Variants in RNF8 observed in about 807,000 individuals in gnomAD.
The protein encoded by RNF8 is E3 ubiquitin-protein ligase RNF8.
In RNF8, 8 loss-of-function variants were observed where a neutral mutation model predicts 59.3. The observed-to-expected ratio is 0.13, with a 90% CI of 0.08 to 0.24. RNF8 has a LOEUF of 0.24. Ranked by LOEUF, RNF8 falls within the 10% of genes least tolerant of loss-of-function variation. The pLI, the probability that RNF8 is intolerant of heterozygous loss-of-function variation, is 1.00. For missense variants in RNF8, 406 were observed against 572.6 expected, an observed-to-expected ratio of 0.71 and a Z score of 2.97; for synonymous variants, 162 against 200.0, an observed-to-expected ratio of 0.81 and a Z score of 1.60.
At chr6:37,376,385 TGC>T (rs1282429924) in intron 5 of RNF8, among the ~76,000 whole-genome samples, 1 of 152,206 alleles carries the variant, frequency 6.6e-6, no homozygotes, top group Non-Finnish European at 1.5e-5. Flanking sequence ...ACCCATAAAC[TGC>T]GTAGCTTAAA....
At chr6:37,390,581 G>A (rs145019768) in intron 7 of RNF8, among the ~76,000 whole-genome samples, 161 bp from the exon 8 acceptor site, 1 of 152,180 alleles carries the variant, frequency 6.6e-6, no homozygotes, top group Admixed American at 6.5e-5. Context: ...GGAATGAGGA[G>A]TGGGCTTTGA....
intron 1 of RNF8, among the ~76,000 whole-genome samples, chr6:37,359,942 C>G (rs1378203259): frequency 4.6e-5 from 7 of 152,198 alleles, no homozygotes; most frequent in Admixed American, 4.6e-4. Context: ...AATACAGAAC[C>G]AGGAAAAGAG....
At chr6:37,366,459 G>A (rs912106914) in intron 2 of RNF8, among the ~76,000 whole-genome samples, 2 of 152,270 alleles carry the variant, frequency 1.3e-5, no homozygotes, top group South Asian at 4.2e-4. Context: ...AGTTTCTCAG[G>A]CTGAATAGAA....
At chr6:37,361,363 G>A (rs951751415) in intron 2 of RNF8, 2 of 456,092 alleles carry the variant, frequency 4.4e-6, no homozygotes, top group Non-Finnish European at 8.8e-6. Flanking sequence ...TCTAAGGAGA[G>A]GTGAACTGAC....
intron 1 of RNF8, among the ~76,000 whole-genome samples, chr6:37,357,425 T>C (rs1002848768): frequency 2.6e-5 from 4 of 152,170 alleles, no homozygotes; most frequent in Admixed American, 2.6e-4. Context: ...TTCTACTGTT[T>C]TGGTACTGTT....
At chr6:37,356,207 CTG>C (rs1402907323) in intron 1 of RNF8, among the ~76,000 whole-genome samples, 1 of 152,228 alleles carries the variant, frequency 6.6e-6, no homozygotes, top group Non-Finnish European at 1.5e-5. Flanking sequence ...AGTGGTAAGA[CTG>C]TGGCTGGCTT....
chr6:37,381,405 C>G (rs768954185), intron 7 of RNF8, 51 bp downstream of exon 7: 1 of 1,467,350 alleles, frequency 6.8e-7, no homozygotes, highest in Admixed American at 1.8e-5. Context: ...TATTTACTTC[C>G]AAACTTCAAC....
chr6:37,366,658 C>T (rs114050509), intron 2 of RNF8, among the ~76,000 whole-genome samples: 2,351 of 151,908 alleles, frequency 0.015, 53 homozygotes, highest in African/African-American at 0.053. Flanking sequence ...CCTTTACCCT[C>T]TGTGCCTTGT....
At chr6:37,367,048 A>G (rs1022048051) in intron 2 of RNF8, among the ~76,000 whole-genome samples, 2 of 152,156 alleles carry the variant, frequency 1.3e-5, no homozygotes, top group Non-Finnish European at 2.9e-5. Context: ...CTTTTCACTC[A>G]ATATATTTAC....
At chr6:37,384,228 C>A (rs987312081) in intron 7 of RNF8, among the ~76,000 whole-genome samples, 1 of 151,766 alleles carries the variant, frequency 6.6e-6, no homozygotes, top group Non-Finnish European at 1.5e-5. Flanking sequence ...GCAACCTCCC[C>A]CTCCCGGGTT....
chr6:37,376,207 A>G (rs1770007934), intron 5 of RNF8, among the ~76,000 whole-genome samples: 1 of 152,180 alleles, frequency 6.6e-6, no homozygotes. Flanking sequence ...TGTCTGAACT[A>G]CAGCTTGCTA....
In RNF8 at chr6:37,360,641, T is replaced by G; in HGVS notation, c.240+67T>G. 2 of 1,411,286 alleles carry G rather than the reference T, an allele frequency of 1.4e-6. No homozygotes were observed. The highest frequency in any genetic ancestry group is 1.9e-6 in the Non-Finnish European group (2 of 1,039,408). The allele number at this position is 1,411,286 out of a possible 1,614,324, so 87.4% of individuals were successfully genotyped here. On this transcript the variant is annotated intron_variant, in intron 2 of 7. Coordinates refer to ENST00000373479, the MANE Select transcript of RNF8 (RefSeq NM_003958.4). The surrounding 1 kb of genome is among the most constrained non-coding windows in gnomAD (Gnocchi z 4.2). ...TAAATTACTTTTTTTTTTTTTTGCA[T>G]AGGTAATTCATGGTATAAAATTCAA...
intron 7 of RNF8, among the ~76,000 whole-genome samples, chr6:37,382,582 G>GT (rs1441251774): frequency 6.6e-6 from 1 of 152,234 alleles, no homozygotes; most frequent in South Asian, 2.1e-4. Context: ...GGGGGACGGG[G>GT]TTGGGGGGTG....
In RNF8 at chr6:37,371,023, A is replaced by G. The variant is rs184416967; in HGVS notation, c.976-489A>G. Among the ~76,000 whole-genome samples, 17 of 152,296 alleles carry G rather than the reference A, an allele frequency of 1.1e-4. No individual in the cohort carries two copies. In the South Asian group the frequency reaches 1.9e-3, roughly 17 times the overall value. ...GGGGGCTGATGAGGAAATACAGCAT[A>G]AGCTCAGGCAAGGAGAGAGGAGGAG... On this transcript the variant is annotated intron_variant, in intron 3 of 7. Coordinates refer to ENST00000373479, the MANE Select transcript of RNF8 (RefSeq NM_003958.4).
rs1770749380 is a variant in RNF8, at chr6:37,392,346, G to T, written c.*1588G>T. ...TACATATTGTAATTCATTTTTAAGA[G>T]AGTACAGACATACACTTTTTGAGTA... is the stretch of plus-strand genomic sequence containing the variant. On this transcript the variant is annotated 3_prime_UTR_variant, in exon 8 of 8. Transcript: ENST00000373479. 2.5e-6 allele frequency: 1 copy of T among 397,676 alleles called. No individual in the cohort carries two copies. The highest frequency in any genetic ancestry group is 1.4e-4 in the South Asian group (1 of 7,312). The allele number at this position is 397,676 out of a possible 1,614,324, so 24.6% of individuals were successfully genotyped here. A position where few individuals can be genotyped will look rare whatever the true frequency, so the allele number is the denominator to read the frequency against.
chr6:37,376,374 G>A (rs1345461108), intron 5 of RNF8, among the ~76,000 whole-genome samples: 1 of 152,150 alleles, frequency 6.6e-6, no homozygotes, highest in Non-Finnish European at 1.5e-5. Context: ...CTACAAAAAA[G>A]ACCCATAAAC....
At chr6:37,354,464 G>A (rs1769034590) in intron 1 of RNF8, among the ~76,000 whole-genome samples, 189 bp downstream of exon 1, 1 of 151,904 alleles carries the variant, frequency 6.6e-6, no homozygotes, top group Non-Finnish European at 1.5e-5. Context: ...TCTGGCGCGA[G>A]CGGCTGAAGG....
At chr6:37,361,510 G>T in intron 2 of RNF8, 2 of 362,644 alleles carry the variant, frequency 5.5e-6, no homozygotes, top group Non-Finnish European at 1.1e-5. Flanking sequence ...GATACCTAAA[G>T]TGCAGATATA....
chr6:37,358,704 AAAGAG>A (rs1035962150), intron 1 of RNF8, among the ~76,000 whole-genome samples: 39 of 152,290 alleles, frequency 2.6e-4, no homozygotes, highest in Admixed American at 6.5e-4. Flanking sequence ...GAAAGATTTT[AAAGAG>A]AAGAGAAGAG....
Sources: gnomAD v4.1 joint callset for allele counts (sites outside exome capture counted in the v4.1 genomes callset) on GRCh38, gnomAD v4.1.1 for gene constraint, Gnocchi (gnomAD v3.1) non-coding constraint, MANE v1.5 for transcripts, NCBI Gene and HGNC (gene_info 2026-07-23, HGNC 2026-07-21) for gene names.